PHACTR3: variants seen among roughly 807,000 people sequenced by gnomAD.
The protein encoded by PHACTR3 is phosphatase and actin regulator 3.
A neutral mutation model predicts 66.8 loss-of-function variants in PHACTR3; 16 were observed. The ratio of observed to expected loss-of-function variants is 0.24; its 90% CI spans 0.16 to 0.36. PHACTR3 has a LOEUF of 0.36. PHACTR3 is among the 10% of genes least tolerant of loss of function. The probability of loss-of-function intolerance (pLI) is 1.00; values close to 1 mark genes in which losing one functional copy is unlikely to be tolerated. For synonymous variants in PHACTR3, 323 were observed against 292.1 expected (o/e 1.11, Z -1.08); for missense variants, 647 against 719.9 (o/e 0.90, Z 1.16).
chr20:59,829,076 A>G lies in PHACTR3; in HGVS notation c.1329-7429A>G, dbSNP rs2042272570. Among the ~76,000 whole-genome samples, 1 of 151,826 alleles carries G rather than the reference A, an allele frequency of 6.6e-6. No individual in the cohort carries two copies. The highest frequency in any genetic ancestry group is 6.6e-5 in the Admixed American group (1 of 15,264). ...TGGTGTGTGCCTGGGTGGTGGCTGG[A>G]GCCAGCCCCTGAGCCCAGGATGCTG... On this transcript the variant is annotated intron_variant, in intron 8 of 12. Transcript: ENST00000371015. The surrounding 1 kb of genome is among the most constrained non-coding windows in gnomAD (Gnocchi z 4.2).
intron 1 of PHACTR3, among the ~76,000 whole-genome samples, chr20:59,663,614 A>G (rs1469389192): frequency 6.6e-6 from 1 of 152,198 alleles, no homozygotes; most frequent in African/African-American, 2.4e-5. Context: ...TGTGCTTTTC[A>G]TGGCGTGTCG....
At position 59,584,418 on chromosome 20, in the gene PHACTR3, G is replaced by T. The variant is rs573909631; in HGVS notation, c.109+6801G>T. ...TGCAGGAGTGTGCGTGCCTGTGTGT[G>T]TATGCATGTGTGTGAGGGTGTGAAG... On this transcript the variant is annotated intron_variant, in intron 1 of 12. Coordinates refer to the PHACTR3 transcript ENST00000359926. Among the ~76,000 whole-genome samples the T allele has an allele frequency of 1.8e-3, 273 of 152,088 alleles. 1 individual carries two copies. The highest frequency in any genetic ancestry group is 6.0e-3 in the African/African-American group (249 of 41,482).
chr20:59,594,123 T>C lies in PHACTR3; in HGVS notation c.109+16506T>C, dbSNP rs193147084. 2.6e-5 allele frequency among the ~76,000 whole-genome samples: 4 copies of C among 152,342 alleles called. No individual in the cohort carries two copies. The East Asian group carries it at 7.7e-4, about 29-fold the overall frequency. ...AATATCCATGAACATGGATTCTCTCTCCATTTATTTGGTTCTTTGATTTCT... is the reference window on the plus strand; with the variant it reads ...AATATCCATGAACATGGATTCTCTCCCCATTTATTTGGTTCTTTGATTTCT... On this transcript the variant is annotated intron_variant, in intron 1 of 12. Coordinates refer to the PHACTR3 transcript ENST00000359926.
At chr20:59,775,905 G>A (rs1428711851) in intron 7 of PHACTR3, among the ~76,000 whole-genome samples, 1 of 152,214 alleles carries the variant, frequency 6.6e-6, no homozygotes, top group Non-Finnish European at 1.5e-5. Flanking sequence ...GGAGGGGGCT[G>A]TCCTGGACAC....
At chr20:59,737,983 G>A (rs1056974072) in intron 1 of PHACTR3, among the ~76,000 whole-genome samples, 8 of 152,158 alleles carry the variant, frequency 5.3e-5, no homozygotes, top group Non-Finnish European at 1.0e-4. Context: ...ACCTGCTCCA[G>A]CCACTAGGGC....
chr20:59,653,203 G>A (rs986079850), intron 1 of PHACTR3, among the ~76,000 whole-genome samples: 1 of 120,964 alleles, frequency 8.3e-6, no homozygotes, highest in African/African-American at 3.3e-5. Context: ...TTTTTTTTTT[G>A]AGATGGAGTC....
intron 8 of PHACTR3, among the ~76,000 whole-genome samples, chr20:59,811,185 G>A (rs16983185): frequency 1.3e-5 from 2 of 152,208 alleles, no homozygotes; most frequent in Non-Finnish European, 2.9e-5. Context: ...CCATTTGTTA[G>A]AGCCCTAGCC....
chr20:59,734,525 T>C (rs2038877627), intron 1 of PHACTR3, among the ~76,000 whole-genome samples: 1 of 152,190 alleles, frequency 6.6e-6, no homozygotes, highest in Admixed American at 6.5e-5. Context: ...CCCAAGCCAC[T>C]GAGCCCAGGC....
At chr20:59,809,052 G>A (rs952878245) in intron 8 of PHACTR3, among the ~76,000 whole-genome samples, 7 of 152,162 alleles carry the variant, frequency 4.6e-5, no homozygotes, top group African/African-American at 7.2e-5. Flanking sequence ...TTGGACTCCC[G>A]CTCTGGGCAG....
chr20:59,737,298 C>T (rs1018890263), intron 1 of PHACTR3, among the ~76,000 whole-genome samples: 33 of 152,264 alleles, frequency 2.2e-4, no homozygotes, highest in African/African-American at 6.5e-4. Flanking sequence ...TGTCCTTCCT[C>T]GCGTCTGTGG....
intron 1 of PHACTR3, among the ~76,000 whole-genome samples, chr20:59,652,670 C>T (rs1428683241): frequency 6.6e-6 from 1 of 152,046 alleles, no homozygotes; most frequent in Admixed American, 6.6e-5. Flanking sequence ...CATTATCTGT[C>T]ATCATACCTT....
chr20:59,710,288 A>G (rs2037866005), intron 1 of PHACTR3, among the ~76,000 whole-genome samples: 1 of 152,164 alleles, frequency 6.6e-6, no homozygotes, highest in Admixed American at 6.5e-5. Context: ...CCTGCTTTTT[A>G]TCCCACACCA....
At chr20:59,670,444 C>T (rs2036148963) in intron 1 of PHACTR3, among the ~76,000 whole-genome samples, 1 of 152,208 alleles carries the variant, frequency 6.6e-6, no homozygotes, top group Non-Finnish European at 1.5e-5. Context: ...GACTTGGCCT[C>T]ACAGGGTGCA....
Position 59,757,724 on chromosome 20 carries a change from G to A in PHACTR3, c.541+2360G>A, listed in dbSNP as rs139042877. The stretch of plus-strand genomic sequence containing the variant: ...TCCAGCACTTTGGGAAGCCAAGACA[G>A]GAGAATCACTTGAACCTAGGAGTTC... On this transcript the variant is annotated intron_variant, in intron 4 of 12. Transcript: ENST00000371015. 2.1e-3 allele frequency among the ~76,000 whole-genome samples: 315 copies of A among 152,362 alleles called. 1 individual carries two copies. The highest frequency in any genetic ancestry group is 6.9e-3 in the African/African-American group (289 of 41,588).
At chr20:59,605,846 C>CGGGGGGTGGGGG (rs1555876867) in intron 1 of PHACTR3, among the ~76,000 whole-genome samples, 1 of 7,762 alleles carries the variant, frequency 1.3e-4, no homozygotes, top group Non-Finnish European at 3.9e-4. Flanking sequence ...CCTAATAAAG[C>CGGGGGGTGGGGG]GGGGGGGGAG....
At chr20:59,789,064 A>AAATG (rs1300317502) in intron 7 of PHACTR3, among the ~76,000 whole-genome samples, 4 of 152,252 alleles carry the variant, frequency 2.6e-5, no homozygotes, top group African/African-American at 7.2e-5. Context: ...AGACTGGACA[A>AAATG]AATGAATGAG....
chr20:59,667,820 G>A (rs1427682843), intron 1 of PHACTR3, among the ~76,000 whole-genome samples: 5 of 152,184 alleles, frequency 3.3e-5, no homozygotes, highest in African/African-American at 9.6e-5. Context: ...TGTGTGTCAC[G>A]AGAAGGGGCA....
At chr20:59,600,960 T>A (rs527646502), upstream of PHACTR3, among the ~76,000 whole-genome samples, 7 of 149,346 alleles carry the variant, frequency 4.7e-5, no homozygotes, top group Admixed American at 1.3e-4. Context: ...TTTTTTTTTT[T>A]AAAGCTTTAT....
intron 1 of PHACTR3, among the ~76,000 whole-genome samples, chr20:59,728,520 G>A (rs963249619): frequency 1.3e-5 from 2 of 152,076 alleles, no homozygotes; most frequent in African/African-American, 4.8e-5. Flanking sequence ...AATGCCCATC[G>A]ACAGATCGAT....
Sources: allele counts gnomAD v4.1 joint callset (sites outside exome capture counted in the v4.1 genomes callset), GRCh38; gene constraint gnomAD v4.1.1; non-coding constraint Gnocchi (gnomAD v3.1); transcripts MANE v1.5; gene names NCBI Gene and HGNC (gene_info 2026-07-23, HGNC 2026-07-21).